ZSWIM3: variants seen among roughly 807,000 people sequenced by gnomAD.
ZSWIM3 encodes the protein zinc finger SWIM-type containing 3.
A neutral mutation model predicts 47.5 loss-of-function variants in ZSWIM3; 27 were observed. The ratio of observed to expected loss-of-function variants is 0.57; its 90% CI spans 0.42 to 0.78. The LOEUF is 0.78. Ranked by LOEUF, ZSWIM3 falls within the 30% of genes least tolerant of loss-of-function variation. The probability of loss-of-function intolerance (pLI) is 0.00; values close to 1 mark genes in which losing one functional copy is unlikely to be tolerated. For synonymous variants in ZSWIM3, 333 were observed against 333.9 expected, an observed-to-expected ratio of 1.00 and a Z score of 0.03; for missense variants, 689 against 861.3, an observed-to-expected ratio of 0.80 and a Z score of 2.50.
Position 45,878,815 on chromosome 20 carries a change from C to A in ZSWIM3, c.*166C>A. Reference sequence around the variant, plus strand: ...AAGGGAACTCCACTGTGTGACAGTCCTTTCAATCTGCCCCTTTTCAGCCCT... The same window carrying A: ...AAGGGAACTCCACTGTGTGACAGTCATTTCAATCTGCCCCTTTTCAGCCCT... On this transcript the variant is annotated 3_prime_UTR_variant, in exon 2 of 2. Transcript: ENST00000255152. The A allele has an allele frequency of 1.1e-6, 1 of 905,230 alleles. No homozygotes were observed. 56.1% of individuals were successfully genotyped at this position (905,230 alleles called of 1,614,324 possible).
rs201905761 is a variant in ZSWIM3, at chr20:45,863,169, G to GT, written c.155+5200dup. Among the ~76,000 whole-genome samples, 643 of 83,704 alleles carry GT rather than the reference G, an allele frequency of 7.7e-3. 5 individuals are homozygous for GT. Among genetic ancestry groups the GT allele is most frequent in the African/African-American group, 0.021 (559 of 27,024 alleles). 54.9% of individuals were successfully genotyped at this position (83,704 alleles called of 152,430 possible). ...TGATTTGACTTTCATTGATTTCCTT[G>GT]TTTTTTTTTTTGTTTGTTTGTTTGT... On this transcript the variant is annotated intron_variant, in intron 1 of 1. Coordinates refer to ENST00000255152, the MANE Select transcript of ZSWIM3 (RefSeq NM_080752.4).
chr20:45,870,172 T>C (rs998039528), intron 1 of ZSWIM3, among the ~76,000 whole-genome samples: 1 of 151,496 alleles, frequency 6.6e-6, no homozygotes, highest in African/African-American at 2.4e-5. Context: ...TAAAACCCTG[T>C]CTCTACTAAA....
rs1441435036 is a variant in ZSWIM3 at position 45,877,908 on chromosome 20, A to G, written c.1350A>G (p.Pro450=). 4 of 1,614,072 alleles carry G rather than the reference A, an allele frequency of 2.5e-6. No individual in the cohort carries two copies. Among genetic ancestry groups the G allele is most frequent in the African/African-American group, 1.3e-5 (1 of 74,948 alleles). Residue 450 remains proline, a synonymous_variant, in exon 2 of 2, where the codon CCA becomes CCG. Transcript: ENST00000255152. ...KLKRARPASM[P]LKSKKAFGIC... ...AGAGAGCTCGGCCGGCAAGCATGCC[A>G]CTGAAGTCCAAGAAGGCTTTTGGAA...
At chr20:45,868,311 A>G (rs1317252858) in intron 1 of ZSWIM3, among the ~76,000 whole-genome samples, 6 of 152,272 alleles carry the variant, frequency 3.9e-5, no homozygotes, top group Admixed American at 3.9e-4. Flanking sequence ...GGATTTGCCT[A>G]GGAAAAATTA....
intron 1 of ZSWIM3, among the ~76,000 whole-genome samples, chr20:45,862,225 G>A (rs754482743): frequency 1.8e-4 from 27 of 148,206 alleles, no homozygotes; most frequent in African/African-American, 4.0e-4. Flanking sequence ...TTGGCTCCCC[G>A]CAACCTTTGA....
chr20:45,860,093 G>A (rs1985669035), intron 1 of ZSWIM3, among the ~76,000 whole-genome samples: 1 of 152,164 alleles, frequency 6.6e-6, no homozygotes, highest in Admixed American at 6.5e-5. Context: ...ATTACCACAA[G>A]TTTAATGGTG....
chr20:45,874,371 G>A (rs1394943795), intron 1 of ZSWIM3, among the ~76,000 whole-genome samples: 4 of 152,174 alleles, frequency 2.6e-5, no homozygotes. Flanking sequence ...AATTAGTCAG[G>A]TGCAGTGCTG....
chr20:45,864,732 G>A (rs1467473707), intron 1 of ZSWIM3, among the ~76,000 whole-genome samples: 1 of 152,052 alleles, frequency 6.6e-6, no homozygotes. Context: ...ACGGTGATGG[G>A]CATCTATAAT....
intron 1 of ZSWIM3, chr20:45,872,818 C>T (rs955051389): frequency 1.6e-5 from 20 of 1,287,040 alleles, no homozygotes; most frequent in East Asian, 5.6e-5. Context: ...GCACTGTGCA[C>T]ACAATAGGTA....
intron 1 of ZSWIM3, among the ~76,000 whole-genome samples, chr20:45,874,259 C>T (rs1986039838): frequency 6.6e-6 from 1 of 152,198 alleles, no homozygotes; most frequent in Non-Finnish European, 1.5e-5. Flanking sequence ...CGCCTGTAAT[C>T]TCAGCACTTT....
chr20:45,864,157 C>T (rs770022092), intron 1 of ZSWIM3, among the ~76,000 whole-genome samples: 2 of 152,120 alleles, frequency 1.3e-5, no homozygotes, highest in Non-Finnish European at 2.9e-5. Context: ...TTACCATGGG[C>T]CAGGAGTACA....
chr20:45,877,788 G>A lies in ZSWIM3; in HGVS notation c.1230G>A (p.Gln410=), dbSNP rs373395160. 2 of 1,614,056 alleles carry A rather than the reference G, an allele frequency of 1.2e-6. No individual in the cohort carries two copies. Among genetic ancestry groups the A allele is most frequent in the African/African-American group, 1.3e-5 (1 of 74,924 alleles). Residue 410 remains glutamine (Q), a synonymous_variant, in exon 2 of 2, where the codon CAG becomes CAA. Transcript: ENST00000255152. The part of the protein sequence containing the change: ...SKVSSLFREQ[Q]SLLDCILCFV... ...TGTCAAGCCTCTTTCGGGAACAGCA[G>A]TCGCTGCTGGACTGCATCCTCTGCT... is the stretch of plus-strand genomic sequence containing the variant.
At chr20:45,876,441 C>T (rs927155668) in intron 1 of ZSWIM3, among the ~76,000 whole-genome samples, 4 of 152,066 alleles carry the variant, frequency 2.6e-5, no homozygotes. Context: ...CAGGCTCAAG[C>T]GATCCTCCCT....
chr20:45,871,650 G>T (rs1281227513), intron 1 of ZSWIM3, among the ~76,000 whole-genome samples: 1 of 151,108 alleles, frequency 6.6e-6, no homozygotes, highest in Non-Finnish European at 1.5e-5. Context: ...AGTCTAGTCA[G>T]GGGAGAGATT....
At position 45,877,039 on chromosome 20, in the gene ZSWIM3, C is replaced by G. The variant is rs1298837176; in HGVS notation, c.481C>G (p.Pro161Ala). ...AGATAAGGTACAAGTGTCCTCAAAG[C>G]CAGAGCAGGAAGGCATCACTCCTTC... ...CLDKVQVSSK[P>A]EQEGITPSDL... Residue 161 changes from proline to alanine, a missense_variant, in exon 2 of 2, where the codon CCA (proline) becomes GCA (alanine). By Grantham distance (27) the Pro-to-Ala change is conservative. Coordinates refer to ENST00000255152, the MANE Select transcript of ZSWIM3 (RefSeq NM_080752.4). 6.2e-7 allele frequency: 1 copy of G among 1,614,150 alleles called. No homozygotes were observed. The highest frequency in any genetic ancestry group is 1.7e-5 in the Admixed American group (1 of 60,014).
At chr20:45,867,969 A>G (rs1479254448) in intron 1 of ZSWIM3, among the ~76,000 whole-genome samples, 2 of 152,216 alleles carry the variant, frequency 1.3e-5, no homozygotes, top group Non-Finnish European at 2.9e-5. Flanking sequence ...TTACAAGGCT[A>G]TATAGAAAAG....
chr20:45,864,229 A>G (rs1985778778), intron 1 of ZSWIM3, among the ~76,000 whole-genome samples: 1 of 152,210 alleles, frequency 6.6e-6, no homozygotes, highest in African/African-American at 2.4e-5. Flanking sequence ...ACAATAGCGG[A>G]CTGAGATAGC....
chr20:45,862,969 C>G (rs1195579278), intron 1 of ZSWIM3, among the ~76,000 whole-genome samples: 2 of 152,166 alleles, frequency 1.3e-5, no homozygotes, highest in Non-Finnish European at 2.9e-5. Flanking sequence ...ATCAGCGTTA[C>G]CTTCCTGAGA....
At chr20:45,863,179 TTGTTTG>T (rs1985752740) in intron 1 of ZSWIM3, among the ~76,000 whole-genome samples, 1 of 42,280 alleles carries the variant, frequency 2.4e-5, no homozygotes. Context: ...GTTTTTTTTT[TTGTTTG>T]TTTGTTTGTT....
Sources: allele counts gnomAD v4.1 joint callset (sites outside exome capture counted in the v4.1 genomes callset), GRCh38; gene constraint gnomAD v4.1.1; transcripts MANE v1.5; gene names NCBI Gene and HGNC (gene_info 2026-07-23, HGNC 2026-07-21).